The following NTM variants were observed in gnomAD, a reference collection of about 807,000 sequenced individuals.
The protein encoded by NTM is neurotrimin, also known as IgLON family member 2.
Under a neutral mutation model 42.1 loss-of-function variants are expected in NTM, and 13 were observed. That is an observed-to-expected ratio of 0.31 (90% confidence interval 0.20 to 0.49). NTM has a LOEUF of 0.49. Ranked by LOEUF, NTM falls within the 20% of genes least tolerant of loss-of-function variation. The pLI is 0.99. For missense variants in NTM, 373 were observed against 452.8 expected (o/e 0.82, Z 1.60); for synonymous variants, 187 against 179.2 (o/e 1.04, Z -0.35).
chr11:132,037,196 C>T (rs1288496596), intron 2 of NTM, among the ~76,000 whole-genome samples: 1 of 151,954 alleles, frequency 6.6e-6, no homozygotes. Flanking sequence ...TGAGCTCTTG[C>T]TCTGTTAGTT....
In NTM at chr11:132,107,339, CTTTTTTTTTTTTTT is replaced by C. The variant is rs780844735; in HGVS notation, c.168-38927_168-38914del. ...TGGTAGTTCAAGTAAAAGATTTATCCTTTTTTTTTTTTTTTTTTTTTTTTTTTTTGAGACAGGGT... is the reference window on the plus strand; with the variant it reads ...TGGTAGTTCAAGTAAAAGATTTATCCTTTTTTTTTTTTTTTGAGACAGGGT... On this transcript the variant is annotated intron_variant, in intron 2 of 8. Coordinates refer to ENST00000683400, the MANE Select transcript of NTM (RefSeq NM_001352005.2). 2.1e-4 allele frequency among the ~76,000 whole-genome samples: 19 copies of C among 88,864 alleles called. 1 individual carries two copies. The highest frequency in any genetic ancestry group is 7.4e-3 in the Middle Eastern group (1 of 136). The allele number at this position is 88,864 out of a possible 152,430, so 58.3% of individuals were successfully genotyped here. A position where few individuals can be genotyped will look rare whatever the true frequency, so the allele number is the denominator to read the frequency against.
chr11:132,089,356 C>A (rs956994322), intron 2 of NTM, among the ~76,000 whole-genome samples: 1 of 152,206 alleles, frequency 6.6e-6, no homozygotes, highest in South Asian at 2.1e-4. Context: ...GCTTCAGGAT[C>A]TTGCTCCCAC....
At chr11:131,507,615 G>C (rs1354182200) in intron 1 of NTM, among the ~76,000 whole-genome samples, 1 of 149,866 alleles carries the variant, frequency 6.7e-6, no homozygotes. Context: ...TAGCTTGATG[G>C]GGATGGCATT....
chr11:132,088,645 A>G (rs1372238573), intron 2 of NTM, among the ~76,000 whole-genome samples: 1 of 152,170 alleles, frequency 6.6e-6, no homozygotes, highest in Non-Finnish European at 1.5e-5. Context: ...CAATTCCTCC[A>G]GTGCGCATGT....
At chr11:131,552,755 T>C (rs1378467332) in intron 1 of NTM, among the ~76,000 whole-genome samples, 1 of 150,936 alleles carries the variant, frequency 6.6e-6, no homozygotes, top group Non-Finnish European at 1.5e-5. Context: ...GAGGCGGAGC[T>C]TGCAGTGAGC....
intron 1 of NTM, among the ~76,000 whole-genome samples, chr11:131,678,562 G>T (rs548567907): frequency 2.0e-5 from 3 of 152,204 alleles, no homozygotes; most frequent in Non-Finnish European, 4.4e-5. Flanking sequence ...TGCAGGAAAG[G>T]CCTGACTACT....
chr11:132,008,210 TCACTTTACCCCTCGC>T (rs1247288855), intron 2 of NTM, among the ~76,000 whole-genome samples: 1 of 152,128 alleles, frequency 6.6e-6, no homozygotes, highest in Non-Finnish European at 1.5e-5. Flanking sequence ...GAACAAACGC[TCACTTTACCCCTCGC>T]CACTTATGGG....
At chr11:131,607,907 AATTATT>A (rs550437004) in intron 1 of NTM, among the ~76,000 whole-genome samples, 6 of 150,930 alleles carry the variant, frequency 4.0e-5, no homozygotes, top group South Asian at 2.1e-4. Context: ...TTTGTTTTAT[AATTATT>A]ATTATTATAC....
intron 4 of NTM, among the ~76,000 whole-genome samples, chr11:132,267,389 A>T (rs1172640194): frequency 6.6e-6 from 1 of 152,064 alleles, no homozygotes; most frequent in Non-Finnish European, 1.5e-5. Context: ...ATCTACTGAA[A>T]TTTACGTATC....
chr11:132,250,717 C>T (rs1175741510), intron 4 of NTM, among the ~76,000 whole-genome samples: 1 of 151,604 alleles, frequency 6.6e-6, no homozygotes, highest in Non-Finnish European at 1.5e-5. Context: ...CCTATTTTTA[C>T]TTTTTTTCCT....
At chr11:131,833,705 G>A (rs767519055) in intron 1 of NTM, among the ~76,000 whole-genome samples, 1 of 152,162 alleles carries the variant, frequency 6.6e-6, no homozygotes, top group Non-Finnish European at 1.5e-5. Context: ...TTTCCATTAG[G>A]CCCTGTACCC....
intron 1 of NTM, among the ~76,000 whole-genome samples, chr11:131,688,721 G>A (rs1361168170): frequency 6.6e-6 from 1 of 152,240 alleles, no homozygotes; most frequent in East Asian, 1.9e-4. Context: ...GGGTGGGGGT[G>A]ATGCGTGTGT....
Position 132,065,743 on chromosome 11 carries a change from T to C in NTM, c.168-80539T>C, listed in dbSNP as rs2056377760. Among the ~76,000 whole-genome samples the C allele has an allele frequency of 2.0e-5, 3 of 152,198 alleles. No homozygotes were observed. The South Asian group carries it at 6.2e-4, about 32-fold the overall frequency. On this transcript the variant is annotated intron_variant, in intron 2 of 8. Transcript: ENST00000683400. Reference sequence around the variant, plus strand: ...TGCTTACTTTCTGTTACTGGGTACTTGGTTAAGTTTAAAGAACTGTGTAGG... The same window carrying C: ...TGCTTACTTTCTGTTACTGGGTACTCGGTTAAGTTTAAAGAACTGTGTAGG...
rs1222726441 is a variant in NTM, at chr11:131,543,208, T to C, written c.82+172320T>C. On this transcript the variant is annotated intron_variant, in intron 1 of 8. Coordinates refer to ENST00000683400, the MANE Select transcript of NTM (RefSeq NM_001352005.2). ...GACCATGTAACCATGCAGGAAGAAA[T>C]CAATCTTCTTTTCTAGCTAACATGT... Among the ~76,000 whole-genome samples the C allele has an allele frequency of 2.0e-5, 3 of 152,120 alleles. No homozygotes were observed. In the East Asian group the frequency reaches 5.8e-4, roughly 29 times the overall value.
chr11:131,996,810 T>C (rs1258713100), intron 2 of NTM, among the ~76,000 whole-genome samples: 1 of 151,984 alleles, frequency 6.6e-6, no homozygotes, highest in African/African-American at 2.4e-5. Context: ...TCCCTGGGAG[T>C]GTGTTTATGC....
intron 1 of NTM, among the ~76,000 whole-genome samples, chr11:131,422,523 T>C (rs1439866235): frequency 6.6e-6 from 1 of 152,204 alleles, no homozygotes; most frequent in Non-Finnish European, 1.5e-5. Context: ...TGGAATCTGC[T>C]CTGTGACAAA....
At chr11:132,114,739 A>C (rs772739842) in intron 2 of NTM, among the ~76,000 whole-genome samples, 3 of 152,204 alleles carry the variant, frequency 2.0e-5, no homozygotes, top group Non-Finnish European at 2.9e-5. Flanking sequence ...GAGGAAACCT[A>C]AATTGGGAAA....
chr11:132,010,338 A>G (rs1367931755), intron 2 of NTM, among the ~76,000 whole-genome samples: 1 of 152,132 alleles, frequency 6.6e-6, no homozygotes, highest in South Asian at 2.1e-4. Context: ...AAGGATAAGG[A>G]TTTCTTTTCT....
chr11:132,156,258 T>C (rs2073166863), intron 3 of NTM, among the ~76,000 whole-genome samples: 1 of 152,200 alleles, frequency 6.6e-6, no homozygotes, highest in African/African-American at 2.4e-5. Flanking sequence ...TCATGCCATG[T>C]CCTGCCTCAC....
Sources: allele counts gnomAD v4.1 joint callset (sites outside exome capture counted in the v4.1 genomes callset), GRCh38; gene constraint gnomAD v4.1.1; transcripts MANE v1.5; gene names NCBI Gene and HGNC (gene_info 2026-07-23, HGNC 2026-07-21).